The following GABRG3 variants were observed in gnomAD, a reference collection of about 807,000 sequenced individuals.
GABRG3 encodes the protein gamma-aminobutyric acid type A receptor subunit gamma3.
A neutral mutation model predicts 48.8 loss-of-function variants in GABRG3; 25 were observed. That is an observed-to-expected ratio of 0.51 (90% CI 0.37 to 0.72). The LOEUF (loss-of-function observed/expected upper bound fraction) is 0.72. Ranked by LOEUF, GABRG3 falls within the 30% of genes least tolerant of loss-of-function variation. The pLI, the probability that GABRG3 is intolerant of heterozygous loss-of-function variation, is 0.00. For missense variants in GABRG3, 394 were observed against 577.9 expected (o/e 0.68, Z 3.26); for synonymous variants, 227 against 217.6 (o/e 1.04, Z -0.38).
At chr15:27,529,437 C>T (rs564572552) in intron 9 of GABRG3, among the ~76,000 whole-genome samples, 2 of 118,964 alleles carry the variant, frequency 1.7e-5, no homozygotes, top group South Asian at 5.8e-4. Context: ...CTAATTAAAT[C>T]GAATGTTTCA....
In GABRG3 at chr15:27,180,975, T is replaced by C. The variant is rs929627043; in HGVS notation, c.271-145834T>C. 6.6e-6 allele frequency among the ~76,000 whole-genome samples: 1 copy of C among 152,178 alleles called. No individual in the cohort carries two copies. The highest frequency in any genetic ancestry group is 1.5e-5 in the Non-Finnish European group (1 of 68,030). On this transcript the variant is annotated intron_variant, in intron 3 of 9. Coordinates refer to ENST00000615808, the MANE Select transcript of GABRG3 (RefSeq NM_033223.5). This position sits in a 1 kb window ranked among gnomAD's most constrained non-coding sequence, Gnocchi z 4.2. ...GTTACGTTCAGCTGCTGAATTGTGC[T>C]GACTTCTTAGGAGGGCCGTAGTTCA...
chr15:27,199,517 A>G (rs1356319248), intron 3 of GABRG3, among the ~76,000 whole-genome samples: 1 of 152,150 alleles, frequency 6.6e-6, no homozygotes, highest in Non-Finnish European at 1.5e-5. Flanking sequence ...TGTTTGGGTC[A>G]TGGAGGTGGA....
rs565725496 is a variant in GABRG3, at chr15:27,258,035, G to A, written c.271-68774G>A. ...CTATTTATATTTAAAGAACAATCAA[G>A]TGATTTGTGGATTCCCCACAGCTTC... is the stretch of plus-strand genomic sequence containing the variant. On this transcript the variant is annotated intron_variant, in intron 3 of 9. Transcript: ENST00000615808. Among the ~76,000 whole-genome samples the A allele has an allele frequency of 2.6e-5, 4 of 152,260 alleles. No individual in the cohort carries two copies. In the East Asian group the frequency reaches 7.7e-4, roughly 29 times the overall value.
rs996661337 is a variant in GABRG3 at position 27,352,064 on chromosome 15, CGTG to C, written c.574+23177_574+23179del. ...GTGTGTGTGTATGGTATGTGTGTAT[CGTG>C]TGTGTGTGTATGGTGCATGTGTGTG... is the stretch of plus-strand genomic sequence containing the variant. On this transcript the variant is annotated intron_variant, in intron 5 of 9. Transcript: ENST00000615808. This position sits in a 1 kb window ranked among gnomAD's most constrained non-coding sequence, Gnocchi z 4.0. Among the ~76,000 whole-genome samples, 4 of 124,444 alleles carry C rather than the reference CGTG, an allele frequency of 3.2e-5. No homozygotes were observed. The highest frequency in any genetic ancestry group is 1.3e-4 in the African/African-American group (4 of 31,980). 81.6% of individuals were successfully genotyped at this position (124,444 alleles called of 152,430 possible).
At position 27,236,171 on chromosome 15, in the gene GABRG3, G is replaced by T. The variant is rs184550810; in HGVS notation, c.271-90638G>T. 6.6e-6 allele frequency among the ~76,000 whole-genome samples: 1 copy of T among 152,158 alleles called. No individual in the cohort carries two copies. The highest frequency in any genetic ancestry group is 1.5e-5 in the Non-Finnish European group (1 of 68,030). On this transcript the variant is annotated intron_variant, in intron 3 of 9. Coordinates refer to ENST00000615808, the MANE Select transcript of GABRG3 (RefSeq NM_033223.5). This position sits in a 1 kb window ranked among gnomAD's most constrained non-coding sequence, Gnocchi z 4.4. ...GACCCAGAACACTTTTCTGTAAACCGTGTCCGGCGTACATGGAAGCATCTC... is the reference window on the plus strand; with the variant it reads ...GACCCAGAACACTTTTCTGTAAACCTTGTCCGGCGTACATGGAAGCATCTC...
intron 5 of GABRG3, among the ~76,000 whole-genome samples, chr15:27,407,267 A>T (rs952408352): frequency 2.0e-5 from 3 of 152,150 alleles, no homozygotes; most frequent in African/African-American, 7.2e-5. Flanking sequence ...GCTGCCACTT[A>T]CTACACACCT....
intron 5 of GABRG3, among the ~76,000 whole-genome samples, chr15:27,479,551 A>C (rs188812197): frequency 1.3e-5 from 2 of 152,356 alleles, no homozygotes; most frequent in Non-Finnish European, 2.9e-5. Flanking sequence ...AATTTTGCAA[A>C]CTGATTTAAA....
intron 3 of GABRG3, among the ~76,000 whole-genome samples, chr15:27,308,176 A>ATATCCAAACATATATAAACATGTT (rs1892767759): frequency 2.3e-5 from 2 of 85,120 alleles, no homozygotes; most frequent in Non-Finnish European, 5.3e-5. Flanking sequence ...ATATGTTTAT[A>ATATCCAAACATATATAAACATGTT]TATCCAAACA....
At chr15:27,076,619 C>T (rs758756016) in intron 3 of GABRG3, among the ~76,000 whole-genome samples, 4 of 152,138 alleles carry the variant, frequency 2.6e-5, no homozygotes, top group Non-Finnish European at 4.4e-5. Context: ...CCACCGTGCC[C>T]GGTGAGCCAC....
At position 27,279,140 on chromosome 15, in the gene GABRG3, A is replaced by G. The variant is rs58427075; in HGVS notation, c.271-47669A>G. 2.5e-3 allele frequency among the ~76,000 whole-genome samples: 375 copies of G among 152,084 alleles called. 1 individual carries two copies. The highest frequency in any genetic ancestry group is 8.6e-3 in the African/African-American group (355 of 41,420). ...TTTTCTAAGTGAATTGTTTTTGTAT[A>G]GTTGGGTTTTGAGAGTTCCTTATAT... is the stretch of plus-strand genomic sequence containing the variant. On this transcript the variant is annotated intron_variant, in intron 3 of 9. Transcript: ENST00000615808.
chr15:27,359,199 G>T (rs1318617467), intron 5 of GABRG3, among the ~76,000 whole-genome samples: 4 of 152,244 alleles, frequency 2.6e-5, no homozygotes, highest in African/African-American at 9.6e-5. Flanking sequence ...GGGCGGCTGA[G>T]CTGCCTGAGG....
In GABRG3 at chr15:27,498,692, G is replaced by A. The variant is rs560980089; in HGVS notation, c.712+17905G>A. Among the ~76,000 whole-genome samples the A allele has an allele frequency of 1.1e-4, 16 of 152,020 alleles. No homozygotes were observed. In the South Asian group the frequency reaches 1.7e-3, roughly 16 times the overall value. On this transcript the variant is annotated intron_variant, in intron 6 of 9. Transcript: ENST00000615808. ...TTTTTAGTAGAGACAGGGTTTCACC[G>A]TGAGGCCAGGCTATTTGAGGCCAGG...
chr15:27,440,599 G>T (rs1018745269), intron 5 of GABRG3, among the ~76,000 whole-genome samples: 2 of 152,170 alleles, frequency 1.3e-5, no homozygotes, highest in Admixed American at 6.5e-5. Flanking sequence ...TTGAGGCAGG[G>T]CCTTTCCTGG....
At chr15:27,112,859 G>T (rs551255337) in intron 3 of GABRG3, among the ~76,000 whole-genome samples, 10 of 152,272 alleles carry the variant, frequency 6.6e-5, no homozygotes, top group African/African-American at 2.4e-4. Flanking sequence ...CAGCACTGTG[G>T]TTTGTTTACA....
At chr15:27,286,543 A>G (rs1249169087) in intron 3 of GABRG3, among the ~76,000 whole-genome samples, 1 of 152,178 alleles carries the variant, frequency 6.6e-6, no homozygotes, top group Non-Finnish European at 1.5e-5. Flanking sequence ...GCGAAAGGAG[A>G]GTAGTGTTAG....
At chr15:27,084,017 G>A (rs919935987) in intron 3 of GABRG3, among the ~76,000 whole-genome samples, 12 of 152,138 alleles carry the variant, frequency 7.9e-5, no homozygotes, top group Admixed American at 6.5e-4. Flanking sequence ...TGGTGTCTGG[G>A]CTGGAGGCAC....
At chr15:27,054,238 CAAAA>C (rs995059977) in intron 3 of GABRG3, among the ~76,000 whole-genome samples, 7 of 146,976 alleles carry the variant, frequency 4.8e-5, no homozygotes, top group African/African-American at 1.8e-4. Context: ...AACTCTATCT[CAAAA>C]AGAAAAAAAA....
At chr15:26,997,908 G>C (rs1410919608) in intron 2 of GABRG3, among the ~76,000 whole-genome samples, 3 of 152,164 alleles carry the variant, frequency 2.0e-5, no homozygotes, top group Non-Finnish European at 4.4e-5. Flanking sequence ...TTAAAGCCTA[G>C]TTCCCTTAGG....
intron 5 of GABRG3, among the ~76,000 whole-genome samples, chr15:27,417,285 A>T (rs1172627059): frequency 2.0e-5 from 3 of 152,124 alleles, no homozygotes; most frequent in Admixed American, 6.5e-5. Context: ...CCCCATCAGG[A>T]TACTTCTTAG....
Sources: gnomAD v4.1 joint callset for allele counts (sites outside exome capture counted in the v4.1 genomes callset) on GRCh38, gnomAD v4.1.1 for gene constraint, Gnocchi (gnomAD v3.1) non-coding constraint, MANE v1.5 for transcripts, NCBI Gene and HGNC (gene_info 2026-07-23, HGNC 2026-07-21) for gene names.